ZNF638: variants seen among roughly 807,000 people sequenced by gnomAD.
The protein encoded by ZNF638 is zinc finger protein 638.
In ZNF638, 46 loss-of-function variants were observed where a neutral mutation model predicts 195.6. The ratio of observed to expected loss-of-function variants is 0.24; its 90% CI spans 0.19 to 0.30. The LOEUF is 0.30. Ranked by LOEUF, ZNF638 falls within the 10% of genes least tolerant of loss-of-function variation. ZNF638 has a pLI of 1.00. For missense variants in ZNF638, 2,440 were observed against 2,325.3 expected, an observed-to-expected ratio of 1.05 and a Z score of -1.01; for synonymous variants, 845 against 772.0, an observed-to-expected ratio of 1.09 and a Z score of -1.57.
intron 10 of ZNF638, chr2:71,388,442 T>C: frequency 1.5e-6 from 1 of 685,518 alleles, no homozygotes; most frequent in Non-Finnish European, 2.7e-6. Flanking sequence ...GGGCAACAAC[T>C]ACCCACAGAT....
intron 21 of ZNF638, among the ~76,000 whole-genome samples, chr2:71,419,589 A>C (rs1439971049): frequency 6.6e-6 from 1 of 152,230 alleles, no homozygotes; most frequent in Non-Finnish European, 1.5e-5. Context: ...TCTGTGTGTC[A>C]GCACAGGGTT....
chr2:71,354,748 AAAG>A (rs2078996303), intron 2 of ZNF638, among the ~76,000 whole-genome samples: 1 of 152,026 alleles, frequency 6.6e-6, no homozygotes, highest in Admixed American at 6.5e-5. Flanking sequence ...AAAAAAAAGA[AAAG>A]AAAAAAAAAA....
chr2:71,431,290 C>G (rs200325404), intron 25 of ZNF638, 37 bp from the exon 26 acceptor site: 5 of 1,547,584 alleles, frequency 3.2e-6, no homozygotes, highest in Non-Finnish European at 4.4e-6. Context: ...GTCTGTAAAT[C>G]TATTCTGAAT....
chr2:71,409,574 T>A (rs2080170920), intron 20 of ZNF638, among the ~76,000 whole-genome samples: 1 of 152,206 alleles, frequency 6.6e-6, no homozygotes. Context: ...GAGTTTCTTA[T>A]ATTCCCAGTC....
In ZNF638 at chr2:71,353,750, C is replaced by T. The variant is rs776697985; in HGVS notation, c.1318-1969C>T. On this transcript the variant is annotated intron_variant, in intron 2 of 27. Transcript: ENST00000264447. ...AAGAAAAGCTGGAAATCTGGACTTG[C>T]GGGTAAAAATCTCTGGATTATTAAA... 9.9e-5 allele frequency among the ~76,000 whole-genome samples: 15 copies of T among 152,114 alleles called. No individual in the cohort carries two copies. The East Asian group carries it at 1.4e-3, about 14-fold the overall frequency.
chr2:71,423,869 G>A lies in ZNF638; in HGVS notation c.4355G>A (p.Ser1452Asn), dbSNP rs771102074. The A allele has an allele frequency of 1.2e-6, 2 of 1,614,124 alleles. No homozygotes were observed. Among genetic ancestry groups the A allele is most frequent in the Non-Finnish European group, 1.7e-6 (2 of 1,180,016 alleles). ...AGTGCCAGGTCAGGCTTGGCAGAAA[G>A]CAGCAGTAAATTCAAACCTACTCAG... ...PTSARSGLAE[S>N]SSKFKPTQSS... is the part of the protein sequence containing the mutation. Residue 1452 changes from serine to asparagine, a missense_variant, in exon 22 of 28, where the codon AGC becomes AAC. Ser to Asn is a conservative substitution (Grantham distance 46). Around this residue, in one of 5 missense-constraint regions of ZNF638, gnomAD observed 1,883 missense variants for 1,739.1 expected, o/e 1.08. Coordinates refer to ENST00000264447, the MANE Select transcript of ZNF638 (RefSeq NM_014497.5).
Position 71,424,005 on chromosome 2 carries a change from T to G in ZNF638, c.4491T>G (p.Pro1497=). ...TKQSQETEAR[P]SIMKRDDSNN... ...AATCTCAGGAAACAGAGGCTAGACC[T>G]TCCATCATGAAACGGGATGACAGCA... Residue 1497 remains proline (P), a synonymous_variant, in exon 22 of 28, where the codon CCT becomes CCG. Coordinates refer to ENST00000264447, the MANE Select transcript of ZNF638 (RefSeq NM_014497.5). The G allele has an allele frequency of 6.2e-7, 1 of 1,613,870 alleles. No homozygotes were observed.
chr2:71,398,761 C>T lies in ZNF638; in HGVS notation c.2489C>T (p.Ser830Leu). The T allele has an allele frequency of 6.2e-7, 1 of 1,612,534 alleles. No individual in the cohort carries two copies. Among genetic ancestry groups the T allele is most frequent in the African/African-American group, 1.3e-5 (1 of 74,956 alleles). The change falls in exon 12 of 28, where the codon TCA (serine) becomes TTA (leucine). Residue 830 changes from serine to leucine, a missense_variant. Coordinates refer to ENST00000264447, the MANE Select transcript of ZNF638 (RefSeq NM_014497.5). ...GTAGCTGTTAAAGGTAATAAAGCTTCAATCAAAACAGGTAAGACTATTGGG... is the reference window on the plus strand; with the variant it reads ...GTAGCTGTTAAAGGTAATAAAGCTTTAATCAAAACAGGTAAGACTATTGGG... ...VTVAVKGNKA[S>L]IKTAKSGGKK...
At chr2:71,431,060 G>T (rs2080647996) in intron 25 of ZNF638, 1 of 303,058 alleles carries the variant, frequency 3.3e-6, no homozygotes, top group African/African-American at 2.2e-5. Flanking sequence ...GATAGGACTT[G>T]TATTACTTCG....
chr2:71,348,397 T>A, intron 1 of ZNF638: 1 of 999,480 alleles, frequency 1.0e-6, no homozygotes. Context: ...TTTATAAGTA[T>A]TTTAATGCCT....
chr2:71,411,442 T>TTTTA (rs61158453), intron 20 of ZNF638, among the ~76,000 whole-genome samples: 14,308 of 140,566 alleles, frequency 0.1, 796 homozygotes, highest in East Asian at 0.14. Flanking sequence ...AGTTTTTTAT[T>TTTTA]TTTTTTATTT....
intron 10 of ZNF638, among the ~76,000 whole-genome samples, chr2:71,387,337 A>G (rs1177425209): frequency 5.9e-5 from 9 of 152,204 alleles, no homozygotes. Context: ...AAGATCAATT[A>G]TTCATTAAAT....
At chr2:71,419,888 TTAAA>T (rs2080388285) in intron 21 of ZNF638, among the ~76,000 whole-genome samples, 1 of 151,276 alleles carries the variant, frequency 6.6e-6, no homozygotes, top group Admixed American at 6.6e-5. Context: ...AATATATTTC[TTAAA>T]TAATTTATAG....
At chr2:71,402,566 T>TA (rs1456994492) in intron 16 of ZNF638, among the ~76,000 whole-genome samples, 1 of 152,120 alleles carries the variant, frequency 6.6e-6, no homozygotes, top group East Asian at 1.9e-4. Context: ...TTTCTGCTCT[T>TA]ATCAGTGATA....
At chr2:71,407,269 A>G (rs935470512) in intron 19 of ZNF638, 2 of 152,198 alleles carry the variant, frequency 1.3e-5, no homozygotes, top group African/African-American at 4.8e-5. Context: ...AATATGATAA[A>G]TAGTGTGACA....
At chr2:71,382,995 T>C (rs1277281518) in intron 10 of ZNF638, among the ~76,000 whole-genome samples, 4 of 152,212 alleles carry the variant, frequency 2.6e-5, no homozygotes, top group Non-Finnish European at 5.9e-5. Flanking sequence ...ATTTATGTTA[T>C]TTTGTTTAAT....
At chr2:71,401,712 A>G (rs1409364071) in intron 15 of ZNF638, among the ~76,000 whole-genome samples, 2 of 151,914 alleles carry the variant, frequency 1.3e-5, no homozygotes, top group Non-Finnish European at 2.9e-5. Context: ...AAAAGAGTCC[A>G]GCAGACCTCG....
intron 6 of ZNF638, among the ~76,000 whole-genome samples, chr2:71,368,152 T>C (rs72911422): frequency 0.018 from 2,765 of 152,226 alleles, 82 homozygotes; most frequent in African/African-American, 0.063. Flanking sequence ...TTAAAAAATA[T>C]AAATAACATT....
intron 1 of ZNF638, among the ~76,000 whole-genome samples, chr2:71,347,350 TGTG>T (rs1193933113): frequency 1.3e-5 from 2 of 152,166 alleles, no homozygotes; most frequent in South Asian, 2.1e-4. Flanking sequence ...AAAGGTTAAA[TGTG>T]GTGGCAGCAT....
Sources: allele counts gnomAD v4.1 joint callset (sites outside exome capture counted in the v4.1 genomes callset), GRCh38; gene constraint gnomAD v4.1.1; regional missense constraint gnomAD v4.1.1; transcripts MANE v1.5; gene names NCBI Gene and HGNC (gene_info 2026-07-23, HGNC 2026-07-21).